The following ACP7 variants were observed in gnomAD, a reference collection of about 807,000 sequenced individuals.
ACP7 encodes the protein acid phosphatase 7, tartrate resistant (putative), also known as acid phosphatase type 7.
In ACP7, 58 loss-of-function variants were observed where a neutral mutation model predicts 60.6. The ratio of observed to expected loss-of-function variants is 0.96; its 90% CI spans 0.77 to 1.19. The LOEUF (loss-of-function observed/expected upper bound fraction) is 1.19. ACP7 is among the 50% of genes most tolerant of loss of function. ACP7 has a pLI of 0.00. For synonymous variants in ACP7, 237 were observed against 232.6 expected, an observed-to-expected ratio of 1.02 and a Z score of -0.17; for missense variants, 574 against 596.2, an observed-to-expected ratio of 0.96 and a Z score of 0.39.
At chr19:39,101,573 C>T in intron 11 of ACP7, 36 bp downstream of exon 11, 1 of 1,585,878 alleles carries the variant, frequency 6.3e-7, no homozygotes, top group Non-Finnish European at 8.6e-7. Flanking sequence ...CCTTCTCTCT[C>T]TATTCCTATC....
Position 39,099,256 on chromosome 19 carries a change from GA to G in ACP7, c.505+115del, listed in dbSNP as rs2073311981. On this transcript the variant is annotated intron_variant, in intron 4 of 12. Coordinates refer to ENST00000331256, the MANE Select transcript of ACP7 (RefSeq NM_001004318.3). ...GGGGCGGTGCTAGGACCGTGGAGGGGACAGGGCTGGGGCCAGTGTGTCTCTG... is the reference window on the plus strand; with the variant it reads ...GGGGCGGTGCTAGGACCGTGGAGGGGCAGGGCTGGGGCCAGTGTGTCTCTG... 3.3e-6 allele frequency: 4 copies of G among 1,207,820 alleles called. No individual in the cohort carries two copies. The African/African-American group carries it at 4.8e-5, about 15-fold the overall frequency. 74.8% of individuals were successfully genotyped at this position (1,207,820 alleles called of 1,614,324 possible). A position where few individuals can be genotyped will look rare whatever the true frequency, so the allele number is the denominator to read the frequency against.
rs1319301588 is a variant in ACP7 at position 39,101,064 on chromosome 19, C to T, written c.915+8C>T. ...ACACGACATGAAAGCAAGGTGAGGT[C>T]CCTCCCTGGGAGACAGTGGGGACAT... On this transcript the variant is annotated splice_region_variant and intron_variant, in intron 8 of 12. Transcript: ENST00000331256. 1.9e-6 allele frequency: 3 copies of T among 1,614,004 alleles called. No individual in the cohort carries two copies. Among genetic ancestry groups the T allele is most frequent in the Non-Finnish European group, 2.5e-6 (3 of 1,180,024 alleles).
intron 11 of ACP7, among the ~76,000 whole-genome samples, chr19:39,103,659 G>T (rs930698469): frequency 1.3e-5 from 2 of 149,978 alleles, no homozygotes; most frequent in African/African-American, 4.9e-5. Flanking sequence ...AAACCCCATC[G>T]CTATCAAAAA....
At chr19:39,092,087 T>C (rs375771901) in intron 2 of ACP7, among the ~76,000 whole-genome samples, 54 of 151,966 alleles carry the variant, frequency 3.6e-4, no homozygotes, top group African/African-American at 1.2e-3. Context: ...TCCTAGTGTA[T>C]ACATAAAGCA....
rs554362490 is a variant in ACP7 at position 39,106,853 on chromosome 19, C to T, written c.1114-94C>T. On this transcript the variant is annotated intron_variant, in intron 11 of 12. Transcript: ENST00000331256. ...TGGTGGTCAAGTCTTCACTGTCTTC[C>T]TTGAGGGCAGCAGGGTCCTGGGCTA... 3.2e-3 allele frequency: 4,742 copies of T among 1,500,924 alleles called. 12 individuals carry two copies. Among genetic ancestry groups the T allele is most frequent in the Non-Finnish European group, 4.0e-3 (4,414 of 1,102,636 alleles). 93.0% of individuals were successfully genotyped at this position (1,500,924 alleles called of 1,614,324 possible). A position where few individuals can be genotyped will look rare whatever the true frequency, so the allele number is the denominator to read the frequency against.
intron 2 of ACP7, among the ~76,000 whole-genome samples, chr19:39,087,568 C>T (rs1349687343): frequency 6.6e-6 from 1 of 151,824 alleles, no homozygotes; most frequent in Non-Finnish European, 1.5e-5. Context: ...TCAAGCGATC[C>T]TCCCACCTCA....
chr19:39,085,471 C>T (rs933961568), intron 2 of ACP7, 81 bp downstream of exon 2: 122 of 1,496,110 alleles, frequency 8.2e-5, no homozygotes, highest in Non-Finnish European at 1.0e-4. Context: ...AGGAATCCCA[C>T]ACTGTGAGCC....
intron 5 of ACP7, 29 bp downstream of exon 5, chr19:39,100,379 G>A (rs772182253): frequency 5.0e-6 from 8 of 1,612,342 alleles, no homozygotes; most frequent in East Asian, 2.2e-5. Context: ...GGCGGTGGGC[G>A]AGGGCTGGAT....
At chr19:39,108,863 C>G (rs2073439031) in intron 12 of ACP7, among the ~76,000 whole-genome samples, 1 of 152,132 alleles carries the variant, frequency 6.6e-6, no homozygotes, top group Non-Finnish European at 1.5e-5. Flanking sequence ...CCCTGTCGCC[C>G]AGGCTAGAGT....
At chr19:39,105,917 A>T (rs1387751924) in intron 11 of ACP7, among the ~76,000 whole-genome samples, 2 of 152,088 alleles carry the variant, frequency 1.3e-5, no homozygotes, top group Non-Finnish European at 2.9e-5. Flanking sequence ...TTGGTTAGGG[A>T]GGTATCAGCC....
At chr19:39,097,568 GAA>G (rs138172749) in intron 2 of ACP7, among the ~76,000 whole-genome samples, 27,250 of 132,124 alleles carry the variant, frequency 0.21, 2,521 homozygotes, top group Non-Finnish European at 0.23. Flanking sequence ...CTATCTCTAA[GAA>G]AAAAAAAAAA....
At chr19:39,087,637 T>G (rs55737205) in intron 2 of ACP7, among the ~76,000 whole-genome samples, 4,400 of 105,730 alleles carry the variant, frequency 0.042, 200 homozygotes, top group African/African-American at 0.12. Context: ...ATTTTGTTTT[T>G]TTTTTTTTTT....
At position 39,085,190 on chromosome 19, in the gene ACP7, C is replaced by T. The variant is rs934014045; in HGVS notation, c.-80C>T. 7.3e-6 allele frequency: 11 copies of T among 1,508,944 alleles called. No homozygotes were observed. The Admixed American group carries it at 1.6e-4, about 22-fold the overall frequency. The allele number at this position is 1,508,944 out of a possible 1,614,324, so 93.5% of individuals were successfully genotyped here. ...CATCCTCTGTTCCCCATCCTCCCAG[C>T]CCTTCCTGCTGTACCTGTGGGGAGC... is the stretch of plus-strand genomic sequence containing the variant. On this transcript the variant is annotated 5_prime_UTR_variant, in exon 2 of 13. Coordinates refer to ENST00000331256, the MANE Select transcript of ACP7 (RefSeq NM_001004318.3).
At chr19:39,108,945 C>T (rs920602755) in intron 12 of ACP7, among the ~76,000 whole-genome samples, 2 of 152,008 alleles carry the variant, frequency 1.3e-5, no homozygotes, top group Non-Finnish European at 1.5e-5. Context: ...CTCAGCCTCC[C>T]GAGTAGCTGG....
At chr19:39,109,872 G>T (rs562773328) in intron 12 of ACP7, among the ~76,000 whole-genome samples, 181 bp from the exon 13 acceptor site, 2 of 152,196 alleles carry the variant, frequency 1.3e-5, no homozygotes, top group African/African-American at 2.4e-5. Context: ...CTATGATGTG[G>T]GTACTGTTAC....
rs201193909 is a variant in ACP7 at position 39,085,408 on chromosome 19, A to T, written c.121+18A>T. On this transcript the variant is annotated intron_variant, in intron 2 of 12. Transcript: ENST00000331256. ...TTACCCAGGTAAGTGTCCCTGACTC[A>T]TTTCTATGCCTCTACCAGAGAGGCC... 5 of 1,600,458 alleles carry T rather than the reference A, an allele frequency of 3.1e-6. No homozygotes were observed.
At chr19:39,102,747 C>CTTTCTTTCTTTCTT (rs1568482673) in intron 11 of ACP7, among the ~76,000 whole-genome samples, 1 of 81,460 alleles carries the variant, frequency 1.2e-5, no homozygotes, top group East Asian at 4.0e-4. Flanking sequence ...TTCTTTCTTT[C>CTTTCTTTCTTTCTT]TTTCTTTCTT....
At chr19:39,102,856 A>G (rs1407137574) in intron 11 of ACP7, among the ~76,000 whole-genome samples, 1 of 129,080 alleles carries the variant, frequency 7.7e-6, no homozygotes, top group Non-Finnish European at 1.6e-5. Context: ...TTTTTTTTTG[A>G]GACGGAGTTT....
Position 39,085,253 on chromosome 19 carries a change from A to G in ACP7, c.-17A>G, listed in dbSNP as rs767402065. Reference sequence around the variant, plus strand: ...TCCCCCTGCTTTTCCCCGGTCTGCCATCACCACCCCACCACCATGCACCCC... The same window carrying G: ...TCCCCCTGCTTTTCCCCGGTCTGCCGTCACCACCCCACCACCATGCACCCC... On this transcript the variant is annotated 5_prime_UTR_variant, in exon 2 of 13. Transcript: ENST00000331256. 2 of 1,607,114 alleles carry G rather than the reference A, an allele frequency of 1.2e-6. No homozygotes were observed. Among genetic ancestry groups the G allele is most frequent in the Admixed American group, 3.4e-5 (2 of 59,248 alleles).
Sources: gnomAD v4.1 joint callset for allele counts (sites outside exome capture counted in the v4.1 genomes callset) on GRCh38, gnomAD v4.1.1 for gene constraint, MANE v1.5 for transcripts, NCBI Gene and HGNC (gene_info 2026-07-23, HGNC 2026-07-21) for gene names.